The following IGSF10 variants were observed in gnomAD, a reference collection of about 807,000 sequenced individuals.
The protein encoded by IGSF10 is calvaria mechanical force protein 608.
In IGSF10, 126 loss-of-function variants were observed where a neutral mutation model predicts 128.2. The observed-to-expected ratio is 0.98, with a 90% CI of 0.85 to 1.14. The LOEUF (loss-of-function observed/expected upper bound fraction) is 1.14, where lower values mean the gene tolerates loss of function less well. Ranked by LOEUF, IGSF10 falls within the 50% of genes most tolerant of loss-of-function variation. The pLI is 0.00. For missense variants in IGSF10, 3,295 were observed against 3,149.8 expected, an observed-to-expected ratio of 1.05 and a Z score of -1.10; for synonymous variants, 1,185 against 1,146.2, an observed-to-expected ratio of 1.03 and a Z score of -0.68.
chr3:151,614,497 T>A, the IGSF10 span, among the ~76,000 whole-genome samples: 3 of 152,098 alleles, frequency 2.0e-5, no homozygotes, highest in Admixed American at 6.5e-5. Flanking sequence ...AGCCATAAAA[T>A]ATGATGAGTT....
At chr3:151,528,607 G>A in the IGSF10 span, among the ~76,000 whole-genome samples, 3 of 152,230 alleles carry the variant, frequency 2.0e-5, no homozygotes, top group South Asian at 6.2e-4. Context: ...AAGGGTTGGG[G>A]GATTTCCCTC....
chr3:151,444,261 T>C (rs1434088234), intron 6 of IGSF10, among the ~76,000 whole-genome samples: 1 of 152,028 alleles, frequency 6.6e-6, no homozygotes, highest in Non-Finnish European at 1.5e-5. Flanking sequence ...AAAAAAAAAT[T>C]AGGACATCTA....
In IGSF10 at chr3:151,436,593, G is replaced by A. The variant is rs1720252465; in HGVS notation, c.*96C>T. 1.3e-6 allele frequency: 1 copy of A among 799,504 alleles called. No individual in the cohort carries two copies. The highest frequency in any genetic ancestry group is 2.0e-6 in the Non-Finnish European group (1 of 493,896). The allele number at this position is 799,504 out of a possible 1,614,324, so 49.5% of individuals were successfully genotyped here. ...TCATTGTAAATTTAATACTGTAAAT[G>A]TATTCAAATTCATTTACATGCCTAT... On this transcript the variant is annotated 3_prime_UTR_variant, in exon 8 of 8. Coordinates refer to ENST00000282466, the MANE Select transcript of IGSF10 (RefSeq NM_178822.5).
the IGSF10 span, among the ~76,000 whole-genome samples, chr3:151,578,910 C>A: frequency 6.6e-6 from 1 of 152,096 alleles, no homozygotes; most frequent in African/African-American, 2.4e-5. Flanking sequence ...AGGTCTTGAC[C>A]AAGACTGAGG....
Position 151,456,980 on chromosome 3 carries a change from T to A in IGSF10, c.324+46A>T, listed in dbSNP as rs372250162. The A allele has an allele frequency of 2.5e-4, 396 of 1,607,726 alleles. 12 individuals are homozygous for A. The South Asian group carries it at 4.1e-3, about 17-fold the overall frequency. ...AGCCTTTGAAGGTCTATCTCACAGG[T>A]CCCACCTTACCTCTTTAACCTGCCC... On this transcript the variant is annotated intron_variant, in intron 4 of 7. Transcript: ENST00000282466.
At chr3:151,472,862 T>C in the IGSF10 span, among the ~76,000 whole-genome samples, 1 of 152,178 alleles carries the variant, frequency 6.6e-6, no homozygotes, top group East Asian at 1.9e-4. Flanking sequence ...AAGACTATTT[T>C]TGAACCTTGT....
At chr3:151,599,675 C>A in the IGSF10 span, among the ~76,000 whole-genome samples, 1 of 152,084 alleles carries the variant, frequency 6.6e-6, no homozygotes, top group East Asian at 1.9e-4. Flanking sequence ...CAAAATAATT[C>A]TTCTTGTTAG....
At chr3:151,477,756 A>G in the IGSF10 span, among the ~76,000 whole-genome samples, 1 of 152,234 alleles carries the variant, frequency 6.6e-6, no homozygotes, top group African/African-American at 2.4e-5. Context: ...TCATGATGTT[A>G]GAGAAGGGGT....
At chr3:151,614,519 T>G in the IGSF10 span, among the ~76,000 whole-genome samples, 24 of 152,092 alleles carry the variant, frequency 1.6e-4, no homozygotes, top group African/African-American at 5.8e-4. Flanking sequence ...ATGTCCTTTG[T>G]AGGGACATGG....
At chr3:151,565,484 G>A in the IGSF10 span, among the ~76,000 whole-genome samples, 1 of 152,204 alleles carries the variant, frequency 6.6e-6, no homozygotes, top group East Asian at 1.9e-4. Context: ...GGTGAACATT[G>A]TCAAAATTGA....
rs1721370106 is a variant in IGSF10 at position 151,448,899 on chromosome 3, A to G, written c.1082T>C (p.Phe361Ser). Residue 361 changes from phenylalanine (F) to serine (S), a missense_variant, in exon 6 of 8, where the codon TTT (phenylalanine) becomes TCT (serine). Physicochemically the swap from Phe to Ser is radical, Grantham distance 155. Coordinates refer to ENST00000282466, the MANE Select transcript of IGSF10 (RefSeq NM_178822.5). ...ACCGTAATCTATGTTGCACACCAAA[A>G]ATGTTGAAAATGAAGTATTTAGCAC... ...YIVLNTSFSTFLVCNIDYGHI... is the reference protein window; with the variant it reads ...YIVLNTSFSTSLVCNIDYGHI... 6.2e-7 allele frequency: 1 copy of G among 1,614,216 alleles called. No individual in the cohort carries two copies. Among genetic ancestry groups the G allele is most frequent in the African/African-American group, 1.3e-5 (1 of 75,054 alleles).
chr3:151,444,995 A>T lies in IGSF10; in HGVS notation c.4986T>A (p.Ala1662=), dbSNP rs557188696. 6.8e-6 allele frequency: 11 copies of T among 1,614,210 alleles called. No individual in the cohort carries two copies. The South Asian group carries it at 1.2e-4, about 18-fold the overall frequency. ...CACAGGGAAGAAAGGCATCTGAGTT[A>T]GCTGGAATAGTAAAACTTGCAGCTT... ...GGKAASFTIP[A]NSDAFLPCEA... The change falls in exon 6 of 8, where the codon GCT becomes GCA. Residue 1662 remains alanine (A), a synonymous_variant. Transcript: ENST00000282466.
At chr3:151,510,122 G>A in the IGSF10 span, among the ~76,000 whole-genome samples, 1 of 152,238 alleles carries the variant, frequency 6.6e-6, no homozygotes, top group South Asian at 2.1e-4. Context: ...GCTTTGAAGA[G>A]AGTAGTGGTT....
chr3:151,538,569 A>T, the IGSF10 span, among the ~76,000 whole-genome samples: 1 of 152,198 alleles, frequency 6.6e-6, no homozygotes, highest in East Asian at 1.9e-4. Flanking sequence ...GAAAAAGGGT[A>T]TCTAGTTCCA....
chr3:151,509,426 C>T, the IGSF10 span, among the ~76,000 whole-genome samples: 3 of 152,140 alleles, frequency 2.0e-5, no homozygotes, highest in Non-Finnish European at 4.4e-5. Context: ...TAAACATGGA[C>T]TTATGGAGAA....
chr3:151,459,382 T>C (rs1292816941), intron 2 of IGSF10, among the ~76,000 whole-genome samples: 3 of 152,198 alleles, frequency 2.0e-5, no homozygotes, highest in East Asian at 3.8e-4. Flanking sequence ...TTTTTAAAGG[T>C]TGTAATAATC....
At chr3:151,487,691 A>G in the IGSF10 span, among the ~76,000 whole-genome samples, 1 of 152,200 alleles carries the variant, frequency 6.6e-6, no homozygotes, top group African/African-American at 2.4e-5. Context: ...TCAAATCAAT[A>G]AACGTAATCC....
the IGSF10 span, among the ~76,000 whole-genome samples, chr3:151,536,287 G>A: frequency 6.6e-6 from 1 of 152,168 alleles, no homozygotes; most frequent in African/African-American, 2.4e-5. Flanking sequence ...AGGTAGGACT[G>A]GCAGCCTCTC....
At chr3:151,503,988 T>C in the IGSF10 span, among the ~76,000 whole-genome samples, 4 of 152,070 alleles carry the variant, frequency 2.6e-5, no homozygotes, top group Admixed American at 6.6e-5. Flanking sequence ...ACACCAACCT[T>C]AGGTTTTATA....
Sources: allele counts gnomAD v4.1 joint callset (sites outside exome capture counted in the v4.1 genomes callset), GRCh38; gene constraint gnomAD v4.1.1; transcripts MANE v1.5; gene names NCBI Gene and HGNC (gene_info 2026-07-23, HGNC 2026-07-21).